Variants in UNKL observed in about 807,000 individuals in gnomAD.
The protein encoded by UNKL is putative E3 ubiquitin-protein ligase UNKL.
UNKL carries 60 observed loss-of-function variants against 78.0 expected under a neutral mutation model. That is an observed-to-expected ratio of 0.77 (90% CI 0.63 to 0.95). The LOEUF (loss-of-function observed/expected upper bound fraction) is 0.95, where lower values mean the gene tolerates loss of function less well. Among genes scored for constraint, UNKL ranks in the 40% least tolerant of loss-of-function variants. The pLI is 0.00. For synonymous variants in UNKL, 608 were observed against 474.8 expected (o/e 1.28, Z -3.65); for missense variants, 1,159 against 1,045.7 (o/e 1.11, Z -1.49).
At chr16:1,369,055 G>GTTTTTTTTTTTTTTT (rs1218071522) in intron 12 of UNKL, among the ~76,000 whole-genome samples, 1 of 53,722 alleles carries the variant, frequency 1.9e-5, no homozygotes, top group Non-Finnish European at 3.2e-5. Flanking sequence ...CAAAGTATTA[G>GTTTTTTTTTTTTTTT]TTTTTTTTTT....
At position 1,365,976 on chromosome 16, in the gene UNKL, C is replaced by CG; in HGVS notation, c.*263dup. 2.9e-6 allele frequency: 1 copy of CG among 345,454 alleles called. No homozygotes were observed. The highest frequency in any genetic ancestry group is 5.2e-6 in the Non-Finnish European group (1 of 190,630). The allele number at this position is 345,454 out of a possible 1,614,324, so 21.4% of individuals were successfully genotyped here. A position where few individuals can be genotyped will look rare whatever the true frequency, so the allele number is the denominator to read the frequency against. On this transcript the variant is annotated 3_prime_UTR_variant, in exon 15 of 15. Transcript: ENST00000389221. Reference sequence around the variant, plus strand: ...ACCAGGCCCCTCAGGGACAGGCAGGCGGGTTCTGTGGGTTTGCATTTAAGG... The same window carrying CG: ...ACCAGGCCCCTCAGGGACAGGCAGGCGGGGTTCTGTGGGTTTGCATTTAAGG...
In UNKL at chr16:1,367,196, T is replaced by C; in HGVS notation, c.1942A>G (p.Thr648Ala). 1 of 1,605,944 alleles carries C rather than the reference T, an allele frequency of 6.2e-7. No homozygotes were observed. Among genetic ancestry groups the C allele is most frequent in the Non-Finnish European group, 8.5e-7 (1 of 1,178,280 alleles). The change falls in exon 14 of 15, where the codon ACA becomes GCA. Residue 648 changes from threonine to alanine, a missense_variant. Transcript: ENST00000389221. ...EELEGLGVAS[T>A]LPGLRGCGDI... ...CCACAGCCCCGCAGCCCCGGCAGTG[T>C]GGAGGCTACGCCCAGGCCCTCCAGC...
rs1023388796 is a variant in UNKL, at chr16:1,403,253, C to A, written c.379G>T (p.Ala127Ser). 1 of 1,614,174 alleles carries A rather than the reference C, an allele frequency of 6.2e-7. No homozygotes were observed. Among genetic ancestry groups the A allele is most frequent in the Admixed American group, 1.7e-5 (1 of 60,002 alleles). ...CCATTCTTCACGCAGTGGCCACGTG[C>A]GTCTGTCTCGTGGATGCAGGTTCCT... ...KTGTCIHETD[A>S]RGHCVKNGLH... is the part of the protein sequence containing the mutation. The change falls in exon 3 of 15, where the codon GCA becomes TCA. Residue 127 changes from alanine to serine, a missense_variant. Ala to Ser is a moderately conservative substitution (Grantham distance 99, BLOSUM62 1). Coordinates refer to ENST00000389221, the MANE Select transcript of UNKL (RefSeq NM_001372107.1). The surrounding 1 kb of genome is among the most constrained non-coding windows in gnomAD (Gnocchi z 4.8).
Position 1,366,232 on chromosome 16 carries a change from CG to C in UNKL, c.*7del. Reference sequence around the variant, plus strand: ...GTGCCCAGCAGGAGGTGGCTGTCCCCGCTGAGGTCACCACTGCAGGGGCTGG... The same window carrying C: ...GTGCCCAGCAGGAGGTGGCTGTCCCCCTGAGGTCACCACTGCAGGGGCTGG... On this transcript the variant is annotated 3_prime_UTR_variant, in exon 15 of 15. Transcript: ENST00000389221. 1 of 1,533,248 alleles carries C rather than the reference CG, an allele frequency of 6.5e-7. No homozygotes were observed. Among genetic ancestry groups the C allele is most frequent in the Non-Finnish European group, 8.8e-7 (1 of 1,135,302 alleles). The allele number at this position is 1,533,248 out of a possible 1,614,324, so 95.0% of individuals were successfully genotyped here.
chr16:1,369,933 C>T, intron 12 of UNKL, 197 bp downstream of exon 12: 2 of 1,547,034 alleles, frequency 1.3e-6, no homozygotes, highest in Non-Finnish European at 1.7e-6. Flanking sequence ...CGAGATCGTA[C>T]CATTGCAGTC....
At position 1,387,094 on chromosome 16, in the gene UNKL, G is replaced by A. The variant is rs1275569932; in HGVS notation, c.1087-1709C>T. ...CAGACCCTCCCAGCCATGCAGCACCGGGGACCCTCCCAGCAATGCAGCACC... is the reference window on the plus strand; with the variant it reads ...CAGACCCTCCCAGCCATGCAGCACCAGGGACCCTCCCAGCAATGCAGCACC... On this transcript the variant is annotated intron_variant, in intron 9 of 14. Coordinates refer to ENST00000389221, the MANE Select transcript of UNKL (RefSeq NM_001372107.1). The surrounding 1 kb of genome is among the most constrained non-coding windows in gnomAD (Gnocchi z 4.1). 7.3e-5 allele frequency among the ~76,000 whole-genome samples: 11 copies of A among 151,194 alleles called. No individual in the cohort carries two copies. Among genetic ancestry groups the A allele is most frequent in the African/African-American group, 1.9e-4 (8 of 41,114 alleles).
chr16:1,396,588 T>A (rs144774806), intron 6 of UNKL, among the ~76,000 whole-genome samples: 3,152 of 151,434 alleles, frequency 0.021, 45 homozygotes, highest in Middle Eastern at 0.041. Flanking sequence ...ATATATATAT[T>A]TTTTTCTTTT....
chr16:1,370,242 C>T lies in UNKL; in HGVS notation c.1473G>A (p.Gln491=), dbSNP rs1485176428. ...ASTSPLGSLS[Q]PLPGPVGSSA... ...AGGAGCCCACCGGCCCTGGGAGGGGCTGGGACAGCGAACCGAGCGGCGAGG... is the reference window on the plus strand; with the variant it reads ...AGGAGCCCACCGGCCCTGGGAGGGGTTGGGACAGCGAACCGAGCGGCGAGG... Residue 491 remains glutamine (Q), a synonymous_variant, in exon 12 of 15, where the codon CAG becomes CAA. Coordinates refer to ENST00000389221, the MANE Select transcript of UNKL (RefSeq NM_001372107.1). 3.9e-6 allele frequency: 6 copies of T among 1,535,040 alleles called. No individual in the cohort carries two copies. Among genetic ancestry groups the T allele is most frequent in the East Asian group, 2.5e-5 (1 of 40,734 alleles).
intron 10 of UNKL, among the ~76,000 whole-genome samples, chr16:1,375,901 G>C (rs1202674854): frequency 6.6e-6 from 1 of 152,212 alleles, no homozygotes; most frequent in African/African-American, 2.4e-5. Flanking sequence ...TCCACTTGAC[G>C]TTCTCAGGCC....
chr16:1,377,987 A>C (rs918681083), intron 10 of UNKL, among the ~76,000 whole-genome samples: 2 of 152,168 alleles, frequency 1.3e-5, no homozygotes, highest in African/African-American at 4.8e-5. Flanking sequence ...GAAAGGAGGA[A>C]GCTTGTGCCC....
intron 10 of UNKL, chr16:1,379,648 T>G: frequency 2.0e-6 from 2 of 984,352 alleles, no homozygotes; most frequent in Non-Finnish European, 2.4e-6. Context: ...TGACTCACGG[T>G]CCGCGGCCGC....
Position 1,364,097 on chromosome 16 carries a change from C to CA in UNKL, c.*2142dup, listed in dbSNP as rs1596620738. ...CCAAGTGCATAAATACAAATAAAAA[C>CA]AGAGTTTACACATCGATGACAGTAG... On this transcript the variant is annotated 3_prime_UTR_variant, in exon 15 of 15. Coordinates refer to ENST00000389221, the MANE Select transcript of UNKL (RefSeq NM_001372107.1). 6.6e-6 allele frequency: 1 copy of CA among 152,190 alleles called. No homozygotes were observed. Among genetic ancestry groups the CA allele is most frequent in the South Asian group, 2.1e-4 (1 of 4,826 alleles). 9.4% of individuals were successfully genotyped at this position (152,190 alleles called of 1,614,324 possible).
chr16:1,401,523 G>GGGGGGGGCCCCCCC, intron 4 of UNKL, 45 bp downstream of exon 4: 1 of 1,470,340 alleles, frequency 6.8e-7, no homozygotes, highest in Non-Finnish European at 9.1e-7. Context: ...CTCGCGCTGT[G>GGGGGGGGCCCCCCC]CCCGCCCCCC....
At chr16:1,391,243 C>T (rs1200490702) in intron 8 of UNKL, among the ~76,000 whole-genome samples, 3 of 2,700 alleles carry the variant, frequency 1.1e-3, no homozygotes, top group African/African-American at 3.8e-3. Flanking sequence ...TAAAGATACA[C>T]ACACACACAC....
chr16:1,391,094 G>A (rs372111967), intron 8 of UNKL, among the ~76,000 whole-genome samples: 52 of 151,962 alleles, frequency 3.4e-4, no homozygotes, highest in African/African-American at 1.3e-3. Flanking sequence ...AGGCTGCAGT[G>A]AGCCAAGGTC....
At position 1,371,506 on chromosome 16, in the gene UNKL, T is replaced by TC; in HGVS notation, c.1357+12dup. The TC allele has an allele frequency of 6.5e-7, 1 of 1,535,908 alleles. No individual in the cohort carries two copies. The highest frequency in any genetic ancestry group is 8.7e-7 in the Non-Finnish European group (1 of 1,146,766). On this transcript the variant is annotated intron_variant, in intron 11 of 14. Coordinates refer to ENST00000389221, the MANE Select transcript of UNKL (RefSeq NM_001372107.1). ...GCTGGAGGAGCAGGGCCCCAGGTCC[T>TC]CCCCACCCTCACCTGCTGCTCCCAG...
Position 1,399,929 on chromosome 16 carries a change from A to G in UNKL, c.599-420T>C, listed in dbSNP as rs2037444235. Reference sequence around the variant, plus strand: ...GCACACCCCGAAATGCCGCATGGTGAGCCTCATGCGCACCACAGCCTCTGG... The same window carrying G: ...GCACACCCCGAAATGCCGCATGGTGGGCCTCATGCGCACCACAGCCTCTGG... On this transcript the variant is annotated intron_variant, in intron 4 of 14. Coordinates refer to ENST00000389221, the MANE Select transcript of UNKL (RefSeq NM_001372107.1). The surrounding 1 kb of genome is among the most constrained non-coding windows in gnomAD (Gnocchi z 5.8). Among the ~76,000 whole-genome samples, 1 of 135,362 alleles carries G rather than the reference A, an allele frequency of 7.4e-6. No individual in the cohort carries two copies. Among genetic ancestry groups the G allele is most frequent in the Non-Finnish European group, 1.6e-5 (1 of 63,332 alleles). The allele number at this position is 135,362 out of a possible 152,430, so 88.8% of individuals were successfully genotyped here. A position where few individuals can be genotyped will look rare whatever the true frequency, so the allele number is the denominator to read the frequency against.
At chr16:1,382,463 C>T (rs541974009) in intron 10 of UNKL, among the ~76,000 whole-genome samples, 9 of 152,202 alleles carry the variant, frequency 5.9e-5, no homozygotes, top group Non-Finnish European at 1.3e-4. Context: ...CCCCTGCCCC[C>T]GCCCCGACCA....
intron 10 of UNKL, among the ~76,000 whole-genome samples, chr16:1,380,805 G>C (rs932459143): frequency 6.6e-6 from 1 of 151,616 alleles, no homozygotes; most frequent in Non-Finnish European, 1.5e-5. Context: ...CACCTGAGTA[G>C]CTGGGATTAC....
Sources: gnomAD v4.1 joint callset for allele counts (sites outside exome capture counted in the v4.1 genomes callset) on GRCh38, gnomAD v4.1.1 for gene constraint, Gnocchi (gnomAD v3.1) non-coding constraint, MANE v1.5 for transcripts, NCBI Gene and HGNC (gene_info 2026-07-23, HGNC 2026-07-21) for gene names.